The following KIF26B variants were observed in gnomAD, a reference collection of about 807,000 sequenced individuals.
KIF26B encodes the protein kinesin family member 26B.
KIF26B carries 63 observed loss-of-function variants against 151.2 expected under a neutral mutation model. The observed-to-expected ratio is 0.42, with a 90% CI of 0.34 to 0.51. The LOEUF (loss-of-function observed/expected upper bound fraction) is 0.51, where lower values mean the gene tolerates loss of function less well. Ranked by LOEUF, KIF26B falls within the 20% of genes least tolerant of loss-of-function variation. The probability of loss-of-function intolerance (pLI) is 0.07; values close to 1 mark genes in which losing one functional copy is unlikely to be tolerated. For synonymous variants in KIF26B, 1,357 were observed against 1,262.1 expected (o/e 1.08, Z -1.59); for missense variants, 2,813 against 2,913.6 (o/e 0.97, Z 0.79).
At chr1:245,379,295 A>G (rs973167341) in intron 3 of KIF26B, among the ~76,000 whole-genome samples, 6 of 152,206 alleles carry the variant, frequency 3.9e-5, no homozygotes, top group Admixed American at 1.3e-4. Flanking sequence ...AGGCTCATTG[A>G]CCAGTTTTCC....
Position 245,455,897 on chromosome 1 carries a change from C to T in KIF26B, c.1166+36152C>T, listed in dbSNP as rs541753931. Among the ~76,000 whole-genome samples, 83 of 152,276 alleles carry T rather than the reference C, an allele frequency of 5.5e-4. No homozygotes were observed. The South Asian group carries it at 7.7e-3, about 14-fold the overall frequency. ...TGATCTTCCCTTAACCTATTCCCGT[C>T]TATCAAAATGAAGAGCCACTTCTAG... On this transcript the variant is annotated intron_variant, in intron 4 of 14. Transcript: ENST00000407071.
At chr1:245,610,672 A>G (rs74154482) in intron 8 of KIF26B, among the ~76,000 whole-genome samples, 2,754 of 152,338 alleles carry the variant, frequency 0.018, 76 homozygotes, top group African/African-American at 0.063. Context: ...CATTGATGAA[A>G]TTCCACTAAG....
Position 245,540,685 on chromosome 1 carries a change from G to A in KIF26B, c.1167-82G>A. 2.4e-6 allele frequency: 3 copies of A among 1,258,070 alleles called. No individual in the cohort carries two copies. The highest frequency in any genetic ancestry group is 3.5e-6 in the Non-Finnish European group (3 of 855,176). 77.9% of individuals were successfully genotyped at this position (1,258,070 alleles called of 1,614,324 possible). A position where few individuals can be genotyped will look rare whatever the true frequency, so the allele number is the denominator to read the frequency against. Reference sequence around the variant, plus strand: ...GATTAGGCCTCAGAAAGAACGAGGGGTTGTTTAAGAGAAAACGAAGTAAGC... The same window carrying A: ...GATTAGGCCTCAGAAAGAACGAGGGATTGTTTAAGAGAAAACGAAGTAAGC... On this transcript the variant is annotated intron_variant, in intron 4 of 14. Transcript: ENST00000407071. The surrounding 1 kb of genome is among the most constrained non-coding windows in gnomAD (Gnocchi z 4.6).
intron 2 of KIF26B, among the ~76,000 whole-genome samples, chr1:245,192,230 A>G (rs992059583): frequency 6.7e-6 from 1 of 150,100 alleles, no homozygotes; most frequent in East Asian, 1.9e-4. Context: ...CATTTGTAAA[A>G]TGTTTCCCAT....
chr1:245,425,076 T>TC (rs1172214426), intron 4 of KIF26B, among the ~76,000 whole-genome samples: 3 of 152,170 alleles, frequency 2.0e-5, no homozygotes, highest in Admixed American at 6.5e-5. Context: ...CCTTTTTTTT[T>TC]TTTTTGCATG....
At chr1:245,675,119 C>A (rs1425696195) in intron 10 of KIF26B, among the ~76,000 whole-genome samples, 2 of 152,198 alleles carry the variant, frequency 1.3e-5, no homozygotes, top group East Asian at 3.8e-4. Context: ...GGGGCAGAAT[C>A]TAGGACGGTT....
intron 4 of KIF26B, among the ~76,000 whole-genome samples, chr1:245,433,404 T>C (rs1481945449): frequency 6.0e-5 from 9 of 150,742 alleles, no homozygotes; most frequent in African/African-American, 2.2e-4. Context: ...GAGGTGGAGG[T>C]TGCAGTGAGC....
chr1:245,252,175 C>T (rs1670456662), intron 2 of KIF26B, among the ~76,000 whole-genome samples: 1 of 150,772 alleles, frequency 6.6e-6, no homozygotes, highest in Non-Finnish European at 1.5e-5. Flanking sequence ...ACTAGGGAGG[C>T]TGAGGTGGGA....
chr1:245,365,513 T>TCCCCC, intron 2 of KIF26B, among the ~76,000 whole-genome samples: 1 of 137,302 alleles, frequency 7.3e-6, no homozygotes, highest in African/African-American at 3.1e-5. Flanking sequence ...GCCTCACAAC[T>TCCCCC]CCCCCCCACC....
chr1:245,637,415 T>TAATC (rs2043846990), intron 9 of KIF26B, among the ~76,000 whole-genome samples: 1 of 152,078 alleles, frequency 6.6e-6, no homozygotes, highest in Admixed American at 6.6e-5. Flanking sequence ...TTCTGGTTAT[T>TAATC]AATCCCTTGT....
At chr1:245,416,728 G>T (rs1483693602) in intron 3 of KIF26B, among the ~76,000 whole-genome samples, 2 of 152,202 alleles carry the variant, frequency 1.3e-5, no homozygotes, top group African/African-American at 4.8e-5. Flanking sequence ...CACGGCAGAA[G>T]GAGCAGGAGG....
chr1:245,539,726 C>T (rs1217661105), intron 4 of KIF26B, among the ~76,000 whole-genome samples: 1 of 152,168 alleles, frequency 6.6e-6, no homozygotes, highest in African/African-American at 2.4e-5. Flanking sequence ...TATCTGGGCT[C>T]ACTGCAACCT....
At chr1:245,354,990 G>A (rs917934746) in intron 2 of KIF26B, among the ~76,000 whole-genome samples, 26 of 152,178 alleles carry the variant, frequency 1.7e-4, no homozygotes, top group African/African-American at 5.5e-4. Flanking sequence ...GCGCGATCTC[G>A]GCTCGCTGCA....
chr1:245,541,039 T>C (rs1335281512), intron 5 of KIF26B, 89 bp downstream of exon 5: 1 of 1,083,654 alleles, frequency 9.2e-7, no homozygotes, highest in East Asian at 2.5e-5. Flanking sequence ...CTCCAATGTA[T>C]TAAAATAAGA....
chr1:245,609,173 C>A, intron 7 of KIF26B, 93 bp from the exon 8 acceptor site: 1 of 1,225,192 alleles, frequency 8.2e-7, no homozygotes, highest in Non-Finnish European at 1.1e-6. Flanking sequence ...TTCCCTGTGC[C>A]TTTCTTCTAT....
chr1:245,678,824 C>T (rs1427577591), intron 10 of KIF26B, among the ~76,000 whole-genome samples: 1 of 151,730 alleles, frequency 6.6e-6, no homozygotes, highest in Non-Finnish European at 1.5e-5. Context: ...GATCACACTA[C>T]TGCACTCCAG....
chr1:245,253,663 A>G (rs1233123523), intron 2 of KIF26B, among the ~76,000 whole-genome samples: 4 of 151,992 alleles, frequency 2.6e-5, no homozygotes, highest in South Asian at 4.1e-4. Flanking sequence ...GGGATTATTC[A>G]TGTGTCAATT....
chr1:245,542,653 T>C (rs1661650661), intron 5 of KIF26B, among the ~76,000 whole-genome samples: 2 of 152,256 alleles, frequency 1.3e-5, no homozygotes, highest in African/African-American at 4.8e-5. Context: ...CACACGGGTG[T>C]GATCGTGGAT....
At chr1:245,653,451 C>T (rs901760772) in intron 10 of KIF26B, among the ~76,000 whole-genome samples, 3 of 152,238 alleles carry the variant, frequency 2.0e-5, no homozygotes, top group Non-Finnish European at 4.4e-5. Context: ...GCACCACAGC[C>T]GGGCGTTGTT....
Sources: allele counts gnomAD v4.1 joint callset (sites outside exome capture counted in the v4.1 genomes callset), GRCh38; gene constraint gnomAD v4.1.1; non-coding constraint Gnocchi (gnomAD v3.1); transcripts MANE v1.5; gene names NCBI Gene and HGNC (gene_info 2026-07-23, HGNC 2026-07-21).